The following WWOX variants were observed in gnomAD, a reference collection of about 807,000 sequenced individuals.
WWOX encodes the protein WW domain-containing oxidoreductase.
A neutral mutation model predicts 46.2 loss-of-function variants in WWOX; 69 were observed. The ratio of observed to expected loss-of-function variants is 1.49; its 90% CI spans 1.23 to 1.82. The LOEUF is 1.82. Ranked by LOEUF, WWOX falls within the 40% of genes most tolerant of loss-of-function variation. The pLI, the probability that WWOX is intolerant of heterozygous loss-of-function variation, is 0.00. For synonymous variants in WWOX, 359 were observed against 202.6 expected (o/e 1.77, Z -6.56); for missense variants, 919 against 542.6 (o/e 1.69, Z -6.89).
At chr16:78,645,996 C>CT (rs1444383960) in intron 8 of WWOX, among the ~76,000 whole-genome samples, 1 of 152,174 alleles carries the variant, frequency 6.6e-6, no homozygotes, top group Admixed American at 6.5e-5. Flanking sequence ...TCCCCCTCCT[C>CT]TCCCCCTTTG....
Position 79,145,141 on chromosome 16 carries a change from A to G in WWOX, c.1057-66467A>G, listed in dbSNP as rs567524380. 2.0e-5 allele frequency among the ~76,000 whole-genome samples: 3 copies of G among 152,264 alleles called. No homozygotes were observed. In the South Asian group the frequency reaches 6.2e-4, roughly 32 times the overall value. On this transcript the variant is annotated intron_variant, in intron 8 of 8. Transcript: ENST00000566780. ...TATTAATCCATTATTTACTAAAACT[A>G]ATTAAATTTTCATGTCATTTCTTTA...
intron 8 of WWOX, among the ~76,000 whole-genome samples, chr16:78,450,601 T>C (rs1245654542): frequency 6.6e-6 from 1 of 152,212 alleles, no homozygotes; most frequent in Non-Finnish European, 1.5e-5. Flanking sequence ...AGAAAACCTG[T>C]AAAATTTGGG....
intron 8 of WWOX, among the ~76,000 whole-genome samples, chr16:78,990,241 T>C (rs974625275): frequency 1.3e-5 from 2 of 151,602 alleles, no homozygotes; most frequent in African/African-American, 4.9e-5. Flanking sequence ...CATCTCAGAT[T>C]AAGGGCCTCC....
intron 8 of WWOX, among the ~76,000 whole-genome samples, chr16:79,094,536 G>C (rs563854847): frequency 9.8e-4 from 149 of 152,266 alleles, no homozygotes; most frequent in African/African-American, 3.5e-3. Context: ...ACGGGTGTGA[G>C]CCACCGCACC....
intron 8 of WWOX, among the ~76,000 whole-genome samples, chr16:78,625,937 C>G (rs1597366283): frequency 6.7e-6 from 1 of 149,660 alleles, no homozygotes. Context: ...ATTTGCATTA[C>G]TTAAAAGTAA....
intron 8 of WWOX, among the ~76,000 whole-genome samples, chr16:78,442,957 C>G (rs1475212471): frequency 1.3e-5 from 2 of 151,694 alleles, no homozygotes; most frequent in African/African-American, 4.8e-5. Flanking sequence ...CCTGTCTCTA[C>G]CAAAAATACA....
intron 5 of WWOX, among the ~76,000 whole-genome samples, chr16:78,288,669 C>T (rs2079810419): frequency 6.6e-6 from 1 of 152,056 alleles, no homozygotes; most frequent in African/African-American, 2.4e-5. Flanking sequence ...AATTTTGCAT[C>T]CCTAGACATC....
chr16:79,055,442 G>T (rs1413328115), intron 8 of WWOX, among the ~76,000 whole-genome samples: 1 of 152,078 alleles, frequency 6.6e-6, no homozygotes, highest in African/African-American at 2.4e-5. Flanking sequence ...CCCTGAGACT[G>T]CCATGTTGAA....
At chr16:78,785,686 G>T (rs972826618) in intron 8 of WWOX, among the ~76,000 whole-genome samples, 1 of 152,206 alleles carries the variant, frequency 6.6e-6, no homozygotes, top group African/African-American at 2.4e-5. Flanking sequence ...TAAAATTGCA[G>T]TATGTAGCTG....
intron 8 of WWOX, chr16:79,196,473 C>A (rs2051242460): frequency 6.6e-6 from 1 of 152,176 alleles, no homozygotes; most frequent in African/African-American, 2.4e-5. Flanking sequence ...GTTATCTCTG[C>A]TCACTTAGGT....
intron 8 of WWOX, among the ~76,000 whole-genome samples, chr16:79,154,412 C>G (rs1282694218): frequency 6.6e-6 from 1 of 150,988 alleles, no homozygotes; most frequent in African/African-American, 2.4e-5. Flanking sequence ...CATCCATTTT[C>G]AATACTGGCC....
At chr16:78,889,976 G>A (rs985052397) in intron 8 of WWOX, among the ~76,000 whole-genome samples, 1 of 152,030 alleles carries the variant, frequency 6.6e-6, no homozygotes, top group African/African-American at 2.4e-5. Flanking sequence ...TTCAGAAAAT[G>A]AATCTCTGTT....
At position 78,406,301 on chromosome 16, in the gene WWOX, T is replaced by C. The variant is rs7199352; in HGVS notation, c.606-18569T>C. On this transcript the variant is annotated intron_variant, in intron 6 of 8. Coordinates refer to ENST00000566780, the MANE Select transcript of WWOX (RefSeq NM_016373.4). ...TCCATTACATTACAGCATATAAATA[T>C]AAATATATATATATATATATATATA... 8.5e-3 allele frequency among the ~76,000 whole-genome samples: 636 copies of C among 75,152 alleles called. 6 individuals are homozygous for C. Among genetic ancestry groups the C allele is most frequent in the African/African-American group, 0.027 (610 of 22,788 alleles). The allele number at this position is 75,152 out of a possible 152,430, so 49.3% of individuals were successfully genotyped here.
At chr16:78,808,001 C>T (rs2051087264) in intron 8 of WWOX, among the ~76,000 whole-genome samples, 1 of 152,178 alleles carries the variant, frequency 6.6e-6, no homozygotes, top group South Asian at 2.1e-4. Context: ...TCCATGTTCA[C>T]TCCAGAATTA....
intron 8 of WWOX, among the ~76,000 whole-genome samples, chr16:78,857,809 G>A (rs1427314698): frequency 6.6e-6 from 1 of 152,040 alleles, no homozygotes; most frequent in Non-Finnish European, 1.5e-5. Flanking sequence ...GTTTATAGGA[G>A]CATAAATTGT....
At chr16:78,477,050 C>G (rs954862131) in intron 8 of WWOX, among the ~76,000 whole-genome samples, 2 of 152,082 alleles carry the variant, frequency 1.3e-5, no homozygotes, top group Admixed American at 1.3e-4. Context: ...TTAACACAAT[C>G]TTGAATTACC....
At chr16:78,848,468 AAG>A (rs2052356606) in intron 8 of WWOX, among the ~76,000 whole-genome samples, 1 of 152,150 alleles carries the variant, frequency 6.6e-6, no homozygotes, top group South Asian at 2.1e-4. Flanking sequence ...CACACCAAGG[AAG>A]AGAGAGCTCA....
intron 8 of WWOX, among the ~76,000 whole-genome samples, chr16:78,970,977 G>C (rs1465961390): frequency 2.0e-5 from 3 of 152,158 alleles, no homozygotes; most frequent in Non-Finnish European, 4.4e-5. Context: ...GGGAGAAACA[G>C]CTGCCAGAAA....
At chr16:78,456,525 A>C (rs1194607394) in intron 8 of WWOX, among the ~76,000 whole-genome samples, 3 of 152,228 alleles carry the variant, frequency 2.0e-5, no homozygotes, top group Non-Finnish European at 4.4e-5. Flanking sequence ...TTCTTGTCCC[A>C]GGGATACCTG....
Sources: gnomAD v4.1 joint callset for allele counts (sites outside exome capture counted in the v4.1 genomes callset) on GRCh38, gnomAD v4.1.1 for gene constraint, MANE v1.5 for transcripts, NCBI Gene and HGNC (gene_info 2026-07-23, HGNC 2026-07-21) for gene names.